Variants in MEGF11 observed in about 807,000 individuals in gnomAD.
The protein encoded by MEGF11 is multiple epidermal growth factor-like domains protein 11.
Under a neutral mutation model 146.6 loss-of-function variants are expected in MEGF11, and 126 were observed. That is an observed-to-expected ratio of 0.86 (90% CI 0.74 to 1.00). The LOEUF is 1.00. Ranked by LOEUF, MEGF11 falls within the 50% of genes least tolerant of loss-of-function variation. The pLI is 0.00. For synonymous variants in MEGF11, 532 were observed against 583.4 expected (o/e 0.91, Z 1.27); for missense variants, 1,509 against 1,521.2 (o/e 0.99, Z 0.13).
chr15:66,079,468 A>C (rs925375865), intron 5 of MEGF11, among the ~76,000 whole-genome samples: 3 of 151,842 alleles, frequency 2.0e-5, no homozygotes, highest in Non-Finnish European at 4.4e-5. Context: ...CTGCTTGTAA[A>C]AGGCATGCAG....
rs1231525032 is a variant in MEGF11, at chr15:65,930,853, G to C, written c.1378C>G (p.Pro460Ala). 1 of 1,611,160 alleles carries C rather than the reference G, an allele frequency of 6.2e-7. No homozygotes were observed. The highest frequency in any genetic ancestry group is 1.7e-5 in the Admixed American group (1 of 59,656). ...CSCNNGGTCSPVDGSCTCKEG... is the reference protein window; with the variant it reads ...CSCNNGGTCSAVDGSCTCKEG... ...TTGCAGGTACAGGAGCCATCTACTG[G>C]GGAGCAGGTGCCACCATTGTTACAG... Residue 460 changes from proline (P) to alanine (A), a missense_variant, in exon 11 of 26, where the codon CCA (proline) becomes GCA (alanine). Physicochemically the swap from Pro to Ala is conservative, Grantham distance 27 (BLOSUM62 -1). Transcript: ENST00000395614.
chr15:65,907,487 G>A (rs1460890230), intron 23 of MEGF11, among the ~76,000 whole-genome samples: 1 of 152,008 alleles, frequency 6.6e-6, no homozygotes, highest in Non-Finnish European at 1.5e-5. Context: ...AACAGATGGG[G>A]TTTTACCATG....
At chr15:66,044,536 T>G (rs777677272) in intron 5 of MEGF11, among the ~76,000 whole-genome samples, 65 of 152,262 alleles carry the variant, frequency 4.3e-4, no homozygotes, top group Middle Eastern at 3.4e-3. Flanking sequence ...CTCTTACTTC[T>G]GCATTAGGGG....
At position 65,943,477 on chromosome 15, in the gene MEGF11, C is replaced by G. The variant is rs571577415; in HGVS notation, c.1288-12534G>C. On this transcript the variant is annotated intron_variant, in intron 10 of 25. Coordinates refer to ENST00000395614, the MANE Select transcript of MEGF11 (RefSeq NM_001385028.1). ...TGGTGAGCTTGTGTATGTGTGCTAGCGGTGGTATATATTCCTGATGTATTT... is the reference window on the plus strand; with the variant it reads ...TGGTGAGCTTGTGTATGTGTGCTAGGGGTGGTATATATTCCTGATGTATTT... Among the ~76,000 whole-genome samples, 5 of 152,044 alleles carry G rather than the reference C, an allele frequency of 3.3e-5. No individual in the cohort carries two copies. The South Asian group carries it at 1.0e-3, about 32-fold the overall frequency.
intron 1 of MEGF11, among the ~76,000 whole-genome samples, chr15:66,252,204 C>A (rs978120052): frequency 6.6e-6 from 1 of 151,116 alleles, no homozygotes; most frequent in Non-Finnish European, 1.5e-5. Flanking sequence ...CCCAGCCGGC[C>A]GCCGCGAGCC....
At chr15:66,057,538 T>C (rs1465808598) in intron 5 of MEGF11, among the ~76,000 whole-genome samples, 1 of 152,082 alleles carries the variant, frequency 6.6e-6, no homozygotes, top group Admixed American at 6.6e-5. Flanking sequence ...AGAGCTGGGC[T>C]GCTACAATGA....
intron 1 of MEGF11, among the ~76,000 whole-genome samples, chr15:66,240,729 T>C (rs2092193174): frequency 6.6e-6 from 1 of 152,170 alleles, no homozygotes; most frequent in Non-Finnish European, 1.5e-5. Context: ...ATGCAGCTAG[T>C]GCATGGCAGA....
chr15:66,011,720 C>CTACTATTATTAT, intron 5 of MEGF11, among the ~76,000 whole-genome samples: 1 of 149,450 alleles, frequency 6.7e-6, no homozygotes, highest in African/African-American at 2.5e-5. Context: ...GGGAATTTAG[C>CTACTATTATTAT]TATTATTATT....
chr15:66,017,960 G>A (rs2082951723), intron 5 of MEGF11, among the ~76,000 whole-genome samples: 1 of 152,240 alleles, frequency 6.6e-6, no homozygotes, highest in Admixed American at 6.5e-5. Flanking sequence ...TCGCAGGGCA[G>A]GCAAAGAGCC....
chr15:66,231,574 G>T (rs1196831611), intron 1 of MEGF11, among the ~76,000 whole-genome samples: 1 of 152,104 alleles, frequency 6.6e-6, no homozygotes, highest in East Asian at 1.9e-4. Context: ...AGAAACAGAT[G>T]CTCCAACCGT....
At chr15:66,168,698 G>T (rs1478937946) in intron 1 of MEGF11, among the ~76,000 whole-genome samples, 1 of 152,210 alleles carries the variant, frequency 6.6e-6, no homozygotes, top group Admixed American at 6.5e-5. Flanking sequence ...AATAAGGCTG[G>T]GTTCGGTGGC....
chr15:66,041,244 TG>T (rs1264992777), intron 5 of MEGF11, among the ~76,000 whole-genome samples: 1 of 152,308 alleles, frequency 6.6e-6, no homozygotes, highest in East Asian at 1.9e-4. Flanking sequence ...GTTGATCGAC[TG>T]GGCAAGAGAT....
At chr15:66,073,972 T>C (rs2085474435) in intron 5 of MEGF11, among the ~76,000 whole-genome samples, 1 of 152,228 alleles carries the variant, frequency 6.6e-6, no homozygotes, top group South Asian at 2.1e-4. Context: ...TTTCATGTAT[T>C]CTGTAAAGTT....
chr15:66,059,417 A>G (rs929995236), intron 5 of MEGF11, among the ~76,000 whole-genome samples: 3 of 152,172 alleles, frequency 2.0e-5, no homozygotes, highest in African/African-American at 7.2e-5. Context: ...TTGGGTTTTA[A>G]TGGTCCTAGG....
chr15:65,955,990 C>G (rs896026739), intron 10 of MEGF11, among the ~76,000 whole-genome samples: 1 of 151,560 alleles, frequency 6.6e-6, no homozygotes, highest in African/African-American at 2.4e-5. Flanking sequence ...CTCTGCAGAC[C>G]AGGGGCAACC....
At chr15:66,084,389 G>T (rs2086014924) in intron 5 of MEGF11, among the ~76,000 whole-genome samples, 1 of 152,160 alleles carries the variant, frequency 6.6e-6, no homozygotes, top group African/African-American at 2.4e-5. Flanking sequence ...CAGATCAACT[G>T]CAAGAACAAG....
At chr15:65,963,432 G>A (rs2080939096) in intron 9 of MEGF11, among the ~76,000 whole-genome samples, 3 of 151,090 alleles carry the variant, frequency 2.0e-5, no homozygotes, top group South Asian at 2.1e-4. Context: ...GTTCTAAGAT[G>A]TACTTCTCCT....
intron 1 of MEGF11, among the ~76,000 whole-genome samples, chr15:66,237,785 G>C (rs1445517774): frequency 6.6e-6 from 1 of 152,166 alleles, no homozygotes; most frequent in Non-Finnish European, 1.5e-5. Context: ...GGCCAGGAGA[G>C]GACCACTCCT....
chr15:66,127,854 C>T (rs531558636), intron 2 of MEGF11, among the ~76,000 whole-genome samples: 1 of 151,556 alleles, frequency 6.6e-6, no homozygotes, highest in African/African-American at 2.4e-5. Flanking sequence ...CTCACCCGTC[C>T]TCCTCAGGGC....
Sources: gnomAD v4.1 joint callset for allele counts (sites outside exome capture counted in the v4.1 genomes callset) on GRCh38, gnomAD v4.1.1 for gene constraint, MANE v1.5 for transcripts, NCBI Gene and HGNC (gene_info 2026-07-23, HGNC 2026-07-21) for gene names.